RAD51B: variants seen among roughly 807,000 people sequenced by gnomAD.
RAD51B encodes the protein DNA repair protein RAD51 homolog 2.
Under a neutral mutation model 42.2 loss-of-function variants are expected in RAD51B, and 38 were observed. The ratio of observed to expected loss-of-function variants is 0.90; its 90% confidence interval spans 0.70 to 1.18. RAD51B has a LOEUF of 1.18. Among genes scored for constraint, RAD51B ranks in the 50% most tolerant of loss-of-function variants. RAD51B has a pLI of 0.00. For missense variants in RAD51B, 373 were observed against 400.7 expected (o/e 0.93, Z 0.59); for synonymous variants, 154 against 145.2 (o/e 1.06, Z -0.43).
chr14:67,851,583 C>T (rs912486414), intron 4 of RAD51B, among the ~76,000 whole-genome samples: 1 of 152,016 alleles, frequency 6.6e-6, no homozygotes, highest in African/African-American at 2.4e-5. Flanking sequence ...TTTCTCTCCC[C>T]AGCCTGGGGG....
chr14:68,663,816 A>G (rs1173197280), intron 11 of RAD51B, among the ~76,000 whole-genome samples: 2 of 152,228 alleles, frequency 1.3e-5, no homozygotes, highest in Non-Finnish European at 2.9e-5. Context: ...AGCTATAGTT[A>G]CTGAACTTCT....
At chr14:68,389,011 T>C (rs1469382496) in intron 8 of RAD51B, among the ~76,000 whole-genome samples, 1 of 152,222 alleles carries the variant, frequency 6.6e-6, no homozygotes, top group East Asian at 1.9e-4. Context: ...GAAATGGAAC[T>C]ATGGAAATAT....
rs533077217 is a variant in RAD51B at position 68,243,305 on chromosome 14, TTATTCA to T, written c.757-48574_757-48569del. Among the ~76,000 whole-genome samples the T allele has an allele frequency of 7.4e-4, 113 of 152,302 alleles. 3 individuals are homozygous for T. The East Asian group carries it at 0.011, about 15-fold the overall frequency. ...CTTGCGAAGGTTAAAAAATAAAGCA[TTATTCA>T]TATTTTTCCCTATTGTAAACTTTTT... is the stretch of plus-strand genomic sequence containing the variant. On this transcript the variant is annotated intron_variant, in intron 7 of 10. Coordinates refer to ENST00000471583, the MANE Select transcript of RAD51B (RefSeq NM_133510.4).
intron 11 of RAD51B, among the ~76,000 whole-genome samples, chr14:68,672,874 TGC>T (rs1374996296): frequency 6.6e-6 from 1 of 152,208 alleles, no homozygotes; most frequent in Non-Finnish European, 1.5e-5. Flanking sequence ...CTGTGAATCG[TGC>T]TCCTGATTAG....
At chr14:68,184,266 C>T (rs568873656) in intron 7 of RAD51B, among the ~76,000 whole-genome samples, 123 of 152,066 alleles carry the variant, frequency 8.1e-4, no homozygotes, top group African/African-American at 2.8e-3. Context: ...GACAGGATCT[C>T]ACTGTCTCAT....
rs1010079663 is a variant in RAD51B at position 68,200,514 on chromosome 14, A to G, written c.757-91370A>G. On this transcript the variant is annotated intron_variant, in intron 7 of 10. Coordinates refer to ENST00000471583, the MANE Select transcript of RAD51B (RefSeq NM_133510.4). ...AAATGCTGAGGAATATAATTTTGCA[A>G]ATGTGTTCTCTTCTAACTTAATATC... 2.6e-5 allele frequency among the ~76,000 whole-genome samples: 4 copies of G among 152,230 alleles called. No homozygotes were observed. The East Asian group carries it at 7.7e-4, about 29-fold the overall frequency.
In RAD51B at chr14:68,025,063, A is replaced by G. The variant is rs188939687; in HGVS notation, c.756+137859A>G. On this transcript the variant is annotated intron_variant, in intron 7 of 10. Coordinates refer to ENST00000471583, the MANE Select transcript of RAD51B (RefSeq NM_133510.4). ...GAGGGTTTTTTTAATCACAAAGGGA[A>G]GTTGGATTTTATTGAAAGCTTTTTC... Among the ~76,000 whole-genome samples, 404 of 152,044 alleles carry G rather than the reference A, an allele frequency of 2.7e-3. 1 individual carries two copies. Among genetic ancestry groups the G allele is most frequent in the Non-Finnish European group, 4.5e-3 (308 of 67,914 alleles).
At chr14:68,449,425 TCTAA>T (rs1478208380) in intron 9 of RAD51B, among the ~76,000 whole-genome samples, 1 of 152,230 alleles carries the variant, frequency 6.6e-6, no homozygotes, top group Non-Finnish European at 1.5e-5. Flanking sequence ...GATCTTTAAA[TCTAA>T]CTGTTTTTAA....
chr14:68,548,179 C>T (rs895475387), intron 10 of RAD51B, among the ~76,000 whole-genome samples: 3 of 152,214 alleles, frequency 2.0e-5, no homozygotes, highest in African/African-American at 4.8e-5. Flanking sequence ...GATACCGAGG[C>T]TTCCTCACCC....
intron 10 of RAD51B, among the ~76,000 whole-genome samples, chr14:68,550,166 T>A (rs1248674331): frequency 1.3e-5 from 2 of 152,184 alleles, no homozygotes; most frequent in Non-Finnish European, 2.9e-5. Context: ...GCCCATGAGG[T>A]GCCAGTCACC....
chr14:68,027,801 C>A (rs2075978232), intron 7 of RAD51B, among the ~76,000 whole-genome samples: 1 of 152,188 alleles, frequency 6.6e-6, no homozygotes, highest in Admixed American at 6.5e-5. Flanking sequence ...AGCTTCCTTG[C>A]CATCTAGATT....
Position 67,842,048 on chromosome 14 carries a change from C to T in RAD51B, c.315+6852C>T, listed in dbSNP as rs2140310419. Among the ~76,000 whole-genome samples the T allele has an allele frequency of 2.0e-5, 3 of 152,266 alleles. No individual in the cohort carries two copies. The South Asian group carries it at 6.2e-4, about 32-fold the overall frequency. On this transcript the variant is annotated intron_variant, in intron 4 of 10. Transcript: ENST00000471583. ...GGAATGTTTTTTCATTTGTTTGTAT[C>T]ATCTATGATTTCTTGTAGCAGTGTT...
chr14:67,838,777 G>A (rs567047985), intron 4 of RAD51B, among the ~76,000 whole-genome samples: 1 of 148,298 alleles, frequency 6.7e-6, no homozygotes, highest in South Asian at 2.1e-4. Context: ...TTTCCTGTAA[G>A]TTTAAAATTA....
chr14:68,349,768 C>T (rs1208129689), intron 8 of RAD51B, among the ~76,000 whole-genome samples: 1 of 152,146 alleles, frequency 6.6e-6, no homozygotes, highest in Admixed American at 6.5e-5. Flanking sequence ...AAAGGCTAGT[C>T]TACATTTCAG....
chr14:68,321,993 C>G (rs1191568114), intron 8 of RAD51B, among the ~76,000 whole-genome samples: 1 of 152,094 alleles, frequency 6.6e-6, no homozygotes, highest in Non-Finnish European at 1.5e-5. Context: ...AGGCTGGTCT[C>G]AAACTCCTGA....
intron 4 of RAD51B, among the ~76,000 whole-genome samples, chr14:67,838,127 C>CT (rs2041308029): frequency 6.6e-6 from 1 of 152,156 alleles, no homozygotes; most frequent in Admixed American, 6.5e-5. Context: ...GAATCTCATT[C>CT]TTTTTTATGG....
intron 10 of RAD51B, chr14:68,650,699 C>T: frequency 1.5e-6 from 1 of 687,472 alleles, no homozygotes; most frequent in South Asian, 1.5e-5. Context: ...TGGCCTATCA[C>T]CCTTTAAGAA....
intron 7 of RAD51B, among the ~76,000 whole-genome samples, chr14:68,062,260 C>T (rs1231801012): frequency 6.6e-6 from 1 of 152,112 alleles, no homozygotes; most frequent in African/African-American, 2.4e-5. Context: ...GATCATGATG[C>T]ATAACCTTTT....
At chr14:68,178,905 CAG>C (rs902605225) in intron 7 of RAD51B, among the ~76,000 whole-genome samples, 33 of 152,256 alleles carry the variant, frequency 2.2e-4, no homozygotes, top group African/African-American at 7.5e-4. Context: ...ATACTGAAGA[CAG>C]AATCCTTTTT....
Sources: gnomAD v4.1 joint callset for allele counts (sites outside exome capture counted in the v4.1 genomes callset) on GRCh38, gnomAD v4.1.1 for gene constraint, MANE v1.5 for transcripts, NCBI Gene and HGNC (gene_info 2026-07-23, HGNC 2026-07-21) for gene names.